The following GNAZ variants were observed in gnomAD, a reference collection of about 807,000 sequenced individuals.
GNAZ encodes the protein G protein subunit alpha z.
GNAZ carries 3 observed loss-of-function variants against 25.4 expected under a neutral mutation model. The observed-to-expected ratio is 0.12, with a 90% CI of 0.05 to 0.30. The LOEUF is 0.30. GNAZ is among the 10% of genes least tolerant of loss of function. The pLI, the probability that GNAZ is intolerant of heterozygous loss-of-function variation, is 1.00. For synonymous variants in GNAZ, 211 were observed against 205.7 expected (o/e 1.03, Z -0.22); for missense variants, 241 against 501.8 (o/e 0.48, Z 4.97).
chr22:23,089,990 G>A (rs934408983), intron 1 of GNAZ, among the ~76,000 whole-genome samples: 2 of 152,158 alleles, frequency 1.3e-5, no homozygotes, highest in African/African-American at 4.8e-5. Context: ...CCTGGTGCCT[G>A]GCCCTATGTC....
chr22:23,104,207 G>A (rs993200306), intron 2 of GNAZ, among the ~76,000 whole-genome samples: 6 of 152,154 alleles, frequency 3.9e-5, no homozygotes, highest in South Asian at 2.1e-4. Context: ...GCGGGATGAC[G>A]GAGGACCAGG....
chr22:23,096,143 G>T lies in GNAZ; in HGVS notation c.448G>T (p.Glu150Ter). Residue 150 changes from glutamate to a stop codon, truncating the protein, a stop_gained, in exon 2 of 3, where the codon GAG becomes TAG. Coordinates refer to ENST00000615612, the MANE Select transcript of GNAZ (RefSeq NM_002073.4). LOFTEE classifies it high-confidence loss of function. ...CAGCCGCTCCAGCGAGTACCACCTGGAGGACAACGCGGCCTACTACCTGAA... is the reference window on the plus strand; with the variant it reads ...CAGCCGCTCCAGCGAGTACCACCTGTAGGACAACGCGGCCTACTACCTGAA... ...CFSRSSEYHL[E>*]DNAAYYLNDL... The T allele has an allele frequency of 6.2e-7, 1 of 1,612,776 alleles. No individual in the cohort carries two copies.
chr22:23,072,708 G>A (rs908953499), intron 1 of GNAZ, among the ~76,000 whole-genome samples: 1 of 152,224 alleles, frequency 6.6e-6, no homozygotes, highest in South Asian at 2.1e-4. Flanking sequence ...TGTGCCTGTC[G>A]CCTGGACTGT....
In GNAZ at chr22:23,123,315, AAGG is replaced by A; in HGVS notation, c.955_957del (p.Glu319del). On this transcript the variant is annotated inframe_deletion, in exon 3 of 3. Coordinates refer to ENST00000615612, the MANE Select transcript of GNAZ (RefSeq NM_002073.4). ...AGACCTGAACCGCAACAAGGAGACC[AAGG>A]AGATCTACTCCCACTTCACCTGCGC... 6.2e-7 allele frequency: 1 copy of A among 1,614,068 alleles called. No individual in the cohort carries two copies. Among genetic ancestry groups the A allele is most frequent in the South Asian group, 1.1e-5 (1 of 91,082 alleles).
chr22:23,120,597 TC>T (rs2069988900), intron 2 of GNAZ, among the ~76,000 whole-genome samples: 1 of 152,038 alleles, frequency 6.6e-6, no homozygotes, highest in Non-Finnish European at 1.5e-5. Flanking sequence ...TCAACTGTCA[TC>T]CCCAAGTGAC....
intron 1 of GNAZ, among the ~76,000 whole-genome samples, chr22:23,072,966 G>A (rs190157845): frequency 6.6e-6 from 1 of 152,320 alleles, no homozygotes; most frequent in Non-Finnish European, 1.5e-5. Context: ...GCTGCCCAGG[G>A]CCCCCGCAGA....
At chr22:23,108,607 A>G (rs2146354144) in intron 2 of GNAZ, among the ~76,000 whole-genome samples, 1 of 152,364 alleles carries the variant, frequency 6.6e-6, no homozygotes, top group African/African-American at 2.4e-5. Flanking sequence ...CCATGGTAGA[A>G]TGGGAAGGAG....
chr22:23,121,043 G>A (rs924344451), intron 2 of GNAZ, among the ~76,000 whole-genome samples: 2 of 152,196 alleles, frequency 1.3e-5, no homozygotes, highest in African/African-American at 4.8e-5. Context: ...TCCCTCAGCA[G>A]AATGTGACAT....
At chr22:23,076,665 G>T (rs1302861330) in intron 1 of GNAZ, among the ~76,000 whole-genome samples, 2 of 152,234 alleles carry the variant, frequency 1.3e-5, no homozygotes, top group African/African-American at 2.4e-5. Context: ...TGACTCAGTG[G>T]GGCCTTTGTC....
chr22:23,077,959 C>T (rs527403708), intron 1 of GNAZ, among the ~76,000 whole-genome samples: 3 of 152,320 alleles, frequency 2.0e-5, no homozygotes, highest in African/African-American at 7.2e-5. Flanking sequence ...AGGGCTTGGC[C>T]CTCATGCCTC....
At chr22:23,102,993 T>G (rs1006863488) in intron 2 of GNAZ, among the ~76,000 whole-genome samples, 12 of 152,126 alleles carry the variant, frequency 7.9e-5, no homozygotes, top group Admixed American at 5.9e-4. Context: ...TGGTAAGCCT[T>G]GAGGGAGGAG....
chr22:23,091,205 C>T (rs138091473), intron 1 of GNAZ, among the ~76,000 whole-genome samples: 6 of 152,324 alleles, frequency 3.9e-5, no homozygotes, highest in Non-Finnish European at 7.3e-5. Context: ...CATGGATCTG[C>T]GCGTGCACAT....
chr22:23,093,432 C>A (rs2069043195), intron 1 of GNAZ, among the ~76,000 whole-genome samples: 1 of 152,170 alleles, frequency 6.6e-6, no homozygotes, highest in Non-Finnish European at 1.5e-5. Flanking sequence ...GGAACGAGGC[C>A]AGGACGGGCC....
At chr22:23,083,445 G>A (rs2068732675) in intron 1 of GNAZ, among the ~76,000 whole-genome samples, 1 of 152,172 alleles carries the variant, frequency 6.6e-6, no homozygotes, top group African/African-American at 2.4e-5. Context: ...GCTCTCAAAA[G>A]GGAGTGCTGG....
chr22:23,106,951 C>G (rs757981866), intron 2 of GNAZ, among the ~76,000 whole-genome samples: 21 of 152,216 alleles, frequency 1.4e-4, no homozygotes, highest in Non-Finnish European at 2.9e-4. Context: ...ACAGGGAAAC[C>G]AGGGAGGGCA....
chr22:23,102,326 A>C (rs150839269), intron 2 of GNAZ, among the ~76,000 whole-genome samples: 172 of 152,270 alleles, frequency 1.1e-3, no homozygotes, highest in Middle Eastern at 3.4e-3. Context: ...GGAGGGGTGG[A>C]GAAGGCAGCA....
chr22:23,080,034 G>T (rs541589009), intron 1 of GNAZ, among the ~76,000 whole-genome samples: 1 of 152,290 alleles, frequency 6.6e-6, no homozygotes, highest in East Asian at 1.9e-4. Flanking sequence ...CTTCCCTGGG[G>T]AAACTGGGGA....
In GNAZ at chr22:23,123,353, C is replaced by A. The variant is rs1021647434; in HGVS notation, c.990C>A (p.Thr330=). The A allele has an allele frequency of 6.2e-7, 1 of 1,613,946 alleles. No homozygotes were observed. Among genetic ancestry groups the A allele is most frequent in the Non-Finnish European group, 8.5e-7 (1 of 1,179,966 alleles). The change falls in exon 3 of 3, where the codon ACC becomes ACA. Residue 330 remains threonine (T), a synonymous_variant. Transcript: ENST00000615612. Reference sequence around the variant, plus strand: ...CCCACTTCACCTGCGCCACCGACACCAGTAACATCCAGTTTGTCTTCGACG... The same window carrying A: ...CCCACTTCACCTGCGCCACCGACACAAGTAACATCCAGTTTGTCTTCGACG... ...IYSHFTCATD[T]SNIQFVFDAV...
At chr22:23,117,494 TG>T (rs764803223) in intron 2 of GNAZ, among the ~76,000 whole-genome samples, 1 of 152,326 alleles carries the variant, frequency 6.6e-6, no homozygotes, top group South Asian at 2.1e-4. Context: ...GCCCTGCATT[TG>T]GGTAGCCTTC....
Sources: gnomAD v4.1 joint callset for allele counts (sites outside exome capture counted in the v4.1 genomes callset) on GRCh38, gnomAD v4.1.1 for gene constraint, MANE v1.5 for transcripts, NCBI Gene and HGNC (gene_info 2026-07-23, HGNC 2026-07-21) for gene names.